The following ANKRD27 variants were observed in gnomAD, a reference collection of about 807,000 sequenced individuals.
The protein encoded by ANKRD27 is ankyrin repeat domain 27.
ANKRD27 carries 112 observed loss-of-function variants against 129.7 expected under a neutral mutation model. That is an observed-to-expected ratio of 0.86 (90% CI 0.74 to 1.01). ANKRD27 has a LOEUF of 1.01. Ranked by LOEUF, ANKRD27 falls within the 50% of genes least tolerant of loss-of-function variation. ANKRD27 has a pLI of 0.00. For synonymous variants in ANKRD27, 516 were observed against 511.2 expected (o/e 1.01, Z -0.13); for missense variants, 1,258 against 1,300.5 (o/e 0.97, Z 0.50).
chr19:32,624,589 T>G (rs1171932103), intron 17 of ANKRD27, among the ~76,000 whole-genome samples: 1 of 151,922 alleles, frequency 6.6e-6, no homozygotes, highest in East Asian at 1.9e-4. Flanking sequence ...TAGGAAAAAA[T>G]AAGCACATAG....
chr19:32,642,149 TA>T lies in ANKRD27; in HGVS notation c.783-5del, dbSNP rs36047686. On this transcript the variant is annotated splice_polypyrimidine_tract_variant and splice_region_variant and intron_variant, in intron 9 of 28. Coordinates refer to ENST00000306065, the MANE Select transcript of ANKRD27 (RefSeq NM_032139.3). ...TTTGGCACGAGGTATGTTAAAGCTG[TA>T]AAATAATTTGGAAAGTGACAACTTC... The T allele has an allele frequency of 3.8e-6, 6 of 1,579,826 alleles. No homozygotes were observed. The highest frequency in any genetic ancestry group is 5.2e-6 in the Non-Finnish European group (6 of 1,158,528).
chr19:32,621,290 T>C (rs1011666077), intron 18 of ANKRD27, among the ~76,000 whole-genome samples: 6 of 152,314 alleles, frequency 3.9e-5, no homozygotes, highest in African/African-American at 1.4e-4. Flanking sequence ...AAGACAAGCC[T>C]GGGCAACACA....
intron 4 of ANKRD27, among the ~76,000 whole-genome samples, chr19:32,644,781 TATTA>T (rs1466163025): frequency 6.6e-6 from 1 of 152,244 alleles, no homozygotes; most frequent in Non-Finnish European, 1.5e-5. Context: ...AATGAAGACT[TATTA>T]TTTATTAAAA....
At chr19:32,656,071 G>GAAA (rs200168921) in intron 2 of ANKRD27, among the ~76,000 whole-genome samples, 3 of 27,588 alleles carry the variant, frequency 1.1e-4, no homozygotes, top group Non-Finnish European at 4.6e-4. Flanking sequence ...AAGAAAGAAA[G>GAAA]AAAGAAAGAA....
intron 14 of ANKRD27, 114 bp downstream of exon 14, chr19:32,628,608 T>TG (rs1251858609): frequency 1.5e-6 from 2 of 1,360,136 alleles, no homozygotes; most frequent in South Asian, 1.3e-5. Context: ...CAGAGGCAGC[T>TG]GGGGGGCAGG....
intron 12 of ANKRD27, chr19:32,638,587 A>G (rs1172943066): frequency 6.6e-6 from 1 of 152,640 alleles, no homozygotes; most frequent in African/African-American, 2.4e-5. Context: ...CCCTTCAGGG[A>G]GCCCAACCTA....
At chr19:32,650,037 C>T (rs1320911793) in intron 2 of ANKRD27, among the ~76,000 whole-genome samples, 3 of 152,120 alleles carry the variant, frequency 2.0e-5, no homozygotes, top group Non-Finnish European at 4.4e-5. Flanking sequence ...AGGGAGGAGG[C>T]GAACAGTACA....
rs372777688 is a variant in ANKRD27 at position 32,623,355 on chromosome 19, G to A, written c.1630-736C>T. Among the ~76,000 whole-genome samples the A allele has an allele frequency of 1.8e-4, 27 of 152,258 alleles. No homozygotes were observed. The East Asian group carries it at 2.3e-3, about 13-fold the overall frequency. ...TTATACAATGTGGTTTATGCTGAAC[G>A]CCCGAGTTTCTTCTGGGAGTATGGC... is the stretch of plus-strand genomic sequence containing the variant. On this transcript the variant is annotated intron_variant, in intron 17 of 28. Transcript: ENST00000306065.
Position 32,631,444 on chromosome 19 carries a change from T to G in ANKRD27, c.1167A>C (p.Leu389Phe), listed in dbSNP as rs1424944802. 6.2e-7 allele frequency: 1 copy of G among 1,614,030 alleles called. No individual in the cohort carries two copies. The highest frequency in any genetic ancestry group is 8.5e-7 in the Non-Finnish European group (1 of 1,180,006). ...DRLFLKQRMS[L>F]LSQMTSSPTD... The stretch of plus-strand genomic sequence containing the variant: ...TGGGAGACGAAGTCATCTGAGAGAG[T>G]AAGCTCATTCTCTGCTTAAGGAACA... The change falls in exon 13 of 29, where the codon TTA becomes TTC. Residue 389 changes from leucine to phenylalanine, a missense_variant. Transcript: ENST00000306065.
chr19:32,598,240 G>C lies in ANKRD27; in HGVS notation c.3058C>G (p.Arg1020Gly). The change falls in exon 29 of 29, where the codon CGG becomes GGG. Residue 1020 changes from arginine to glycine, a missense_variant. By Grantham distance (125) the Arg-to-Gly change is moderately radical (BLOSUM62 -2). Transcript: ENST00000306065. Reference protein sequence around the residue: ...QTGPGHRRMLRRHTVEDAVVS... With the variant: ...QTGPGHRRMLGRHTVEDAVVS... ...ACCGCATCCTCTACCGTGTGTCTCC[G>C]CAGCATCCGTCTGTGTCCAGGGCCA... 6.2e-7 allele frequency: 1 copy of C among 1,614,080 alleles called. No homozygotes were observed. The highest frequency in any genetic ancestry group is 8.5e-7 in the Non-Finnish European group (1 of 1,180,024).
intron 10 of ANKRD27, among the ~76,000 whole-genome samples, 175 bp from the exon 11 acceptor site, chr19:32,640,560 A>G (rs1413719467): frequency 6.6e-6 from 1 of 152,212 alleles, no homozygotes; most frequent in Non-Finnish European, 1.5e-5. Flanking sequence ...TGTCAGGTCC[A>G]GGGGGAAAAG....
intron 21 of ANKRD27, among the ~76,000 whole-genome samples, chr19:32,616,441 T>C (rs898865795): frequency 2.6e-5 from 4 of 151,832 alleles, no homozygotes; most frequent in Admixed American, 6.6e-5. Context: ...TAGTCCCACC[T>C]TCTCAGGAGG....
chr19:32,644,429 C>G lies in ANKRD27; in HGVS notation c.421G>C (p.Val141Leu). Reference protein sequence around the residue: ...DPFSLKTIEDVREFLGRHSER... With the variant: ...DPFSLKTIEDLREFLGRHSER... ...GAGTGTCTTCCCAAGAACTCTCTCACATCTTCAATGGTTTTCAGGGAAAAG... is the reference window on the plus strand; with the variant it reads ...GAGTGTCTTCCCAAGAACTCTCTCAGATCTTCAATGGTTTTCAGGGAAAAG... Residue 141 changes from valine (V) to leucine (L), a missense_variant, in exon 5 of 29, where the codon GTG (valine) becomes CTG (leucine). Physicochemically the swap from Val to Leu is conservative, Grantham distance 32 (BLOSUM62 1). Transcript: ENST00000306065. The G allele has an allele frequency of 6.2e-7, 1 of 1,614,140 alleles. No individual in the cohort carries two copies. Among genetic ancestry groups the G allele is most frequent in the African/African-American group, 1.3e-5 (1 of 75,062 alleles).
chr19:32,658,252 C>A (rs947097029), intron 2 of ANKRD27, among the ~76,000 whole-genome samples: 1 of 152,140 alleles, frequency 6.6e-6, no homozygotes, highest in Non-Finnish European at 1.5e-5. Context: ...CCCCCAGTGC[C>A]GTCTAAGTAG....
chr19:32,641,927 C>T, intron 10 of ANKRD27, 97 bp downstream of exon 10: 1 of 1,431,978 alleles, frequency 7.0e-7, no homozygotes, highest in Non-Finnish European at 9.3e-7. Context: ...GCCACTGCAC[C>T]CAGCCCCATA....
At chr19:32,667,154 C>T (rs1430905358) in intron 1 of ANKRD27, among the ~76,000 whole-genome samples, 1 of 152,226 alleles carries the variant, frequency 6.6e-6, no homozygotes, top group African/African-American at 2.4e-5. Flanking sequence ...TAGAAACAGG[C>T]ACCCGACTTC....
At position 32,628,845 on chromosome 19, in the gene ANKRD27, A is replaced by G. The variant is rs746777702; in HGVS notation, c.1214T>C (p.Ile405Thr). ...SSPTDCLFKH[I>T]ASGNQKEVER... is the part of the protein sequence containing the mutation. Reference sequence around the variant, plus strand: ...CACTTCTTTCTGGTTACCTGATGCAATGTGCTGAAAAGTGACATCCAAGAT... The same window carrying G: ...CACTTCTTTCTGGTTACCTGATGCAGTGTGCTGAAAAGTGACATCCAAGAT... The change falls in exon 14 of 29, where the codon ATT (isoleucine) becomes ACT (threonine). Residue 405 changes from isoleucine (I) to threonine (T), a missense_variant. Physicochemically the swap from Ile to Thr is moderately conservative, Grantham distance 89 (BLOSUM62 -1). Coordinates refer to ENST00000306065, the MANE Select transcript of ANKRD27 (RefSeq NM_032139.3). 10 of 1,613,890 alleles carry G rather than the reference A, an allele frequency of 6.2e-6. No individual in the cohort carries two copies. Among genetic ancestry groups the G allele is most frequent in the East Asian group, 2.2e-5 (1 of 44,880 alleles).
At chr19:32,656,834 A>C (rs1967547450) in intron 2 of ANKRD27, among the ~76,000 whole-genome samples, 2 of 152,058 alleles carry the variant, frequency 1.3e-5, no homozygotes, top group African/African-American at 2.4e-5. Flanking sequence ...TTCTTGGTGA[A>C]TCCTCACCAT....
At chr19:32,673,540 G>C in intron 1 of ANKRD27, 1 of 712,892 alleles carries the variant, frequency 1.4e-6, no homozygotes, top group Non-Finnish European at 1.7e-6. Context: ...CACCTTTGCA[G>C]CTTCCTCACC....
Sources: gnomAD v4.1 joint callset for allele counts (sites outside exome capture counted in the v4.1 genomes callset) on GRCh38, gnomAD v4.1.1 for gene constraint, MANE v1.5 for transcripts, NCBI Gene and HGNC (gene_info 2026-07-23, HGNC 2026-07-21) for gene names.